CASK: variants seen among roughly 807,000 people sequenced by gnomAD.
The protein encoded by CASK is calcium/calmodulin dependent serine protein kinase.
CASK carries 4 observed loss-of-function variants against 82.9 expected under a neutral mutation model. That is an observed-to-expected ratio of 0.05 (90% CI 0.02 to 0.11). The LOEUF (loss-of-function observed/expected upper bound fraction) is 0.11, where lower values mean the gene tolerates loss of function less well. Ranked by LOEUF, CASK falls within the 10% of genes least tolerant of loss-of-function variation. The pLI is 1.00. For missense variants in CASK, 358 were observed against 720.9 expected, an observed-to-expected ratio of 0.50 and a Z score of 5.76; for synonymous variants, 259 against 253.5, an observed-to-expected ratio of 1.02 and a Z score of -0.20.
intron 1 of CASK, among the ~76,000 whole-genome samples, chrX:41,901,086 T>A (rs1173355719): frequency 8.9e-6 from 1 of 111,835 alleles, no homozygotes; most frequent in South Asian, 3.7e-4. Context: ...TCCATTTCTT[T>A]ATGACTGGTT....
chrX:41,741,847 A>G (rs983920936), intron 4 of CASK, among the ~76,000 whole-genome samples: 15 of 112,201 alleles, frequency 1.3e-4, no homozygotes, highest in African/African-American at 4.9e-4. Flanking sequence ...ACTTCACTTC[A>G]TGAAGCATCA....
chrX:41,731,939 ATTTTTTTT>A lies in CASK; in HGVS notation c.429+7437_429+7444del, dbSNP rs1309557386. ...GCCATCATGCCTGGCTAATTTTTGT[ATTTTTTTT>A]TTTTTTTTTGTAGAGATGTGCTCTT... is the stretch of plus-strand genomic sequence containing the variant. On this transcript the variant is annotated intron_variant, in intron 5 of 26. Transcript: ENST00000378163. Among the ~76,000 whole-genome samples, 5 of 84,149 alleles carry A rather than the reference ATTTTTTTT, an allele frequency of 5.9e-5. No homozygotes were observed. The Admixed American group carries it at 6.6e-4, about 11-fold the overall frequency. 73.1% of individuals were successfully genotyped at this position (84,149 alleles called of 115,157 possible). A position where few individuals can be genotyped will look rare whatever the true frequency, so the allele number is the denominator to read the frequency against.
chrX:41,800,679 A>G (rs1314783310), intron 2 of CASK, among the ~76,000 whole-genome samples: 7 of 104,969 alleles, frequency 6.7e-5, no homozygotes, highest in Admixed American at 2.1e-4. Context: ...CAGTCCCCAG[A>G]GTGTGATGTT....
intron 18 of CASK, 106 bp from the exon 19 acceptor site, chrX:41,557,206 T>C: frequency 1.4e-6 from 1 of 698,100 alleles, no homozygotes; most frequent in African/African-American, 2.1e-5. Flanking sequence ...TCCTTTGAGG[T>C]TTGAGCTGTA....
At chrX:41,903,048 G>A (rs2072411634) in intron 1 of CASK, among the ~76,000 whole-genome samples, 1 of 112,147 alleles carries the variant, frequency 8.9e-6, no homozygotes, top group South Asian at 3.7e-4. Context: ...CCCTGTTAGA[G>A]TCACCAACAC....
intron 9 of CASK, among the ~76,000 whole-genome samples, chrX:41,633,606 A>T (rs6651764): frequency 0.14 from 14,910 of 105,252 alleles, 880 homozygotes; most frequent in Middle Eastern, 0.17. Flanking sequence ...CTTTTTTTTT[A>T]TTTTTTTTTA....
At chrX:41,772,966 G>A (rs10126935) in intron 3 of CASK, among the ~76,000 whole-genome samples, 10 of 111,191 alleles carry the variant, frequency 9.0e-5, no homozygotes, top group South Asian at 3.8e-4. Context: ...GCGCCACTGC[G>A]CTCCAGCCTG....
At chrX:41,694,348 G>C (rs1021451610) in intron 5 of CASK, among the ~76,000 whole-genome samples, 6 of 111,887 alleles carry the variant, frequency 5.4e-5, no homozygotes, top group African/African-American at 2.0e-4. Context: ...CTAAGTGGCT[G>C]CTGTAGAGAA....
chrX:41,573,706 T>C (rs1434926219), intron 15 of CASK, among the ~76,000 whole-genome samples: 1 of 112,189 alleles, frequency 8.9e-6, no homozygotes, highest in Non-Finnish European at 1.9e-5. Context: ...TCTTTTTACA[T>C]GCCTAGTAAT....
At chrX:41,877,651 T>C (rs186167092) in intron 1 of CASK, among the ~76,000 whole-genome samples, 36 of 112,007 alleles carry the variant, frequency 3.2e-4, no homozygotes, top group South Asian at 7.4e-4. Flanking sequence ...AAAGCAGCTA[T>C]TGAATAAGGT....
chrX:41,869,863 G>A (rs1341479081), intron 1 of CASK, among the ~76,000 whole-genome samples: 1 of 90,331 alleles, frequency 1.1e-5, no homozygotes, highest in Non-Finnish European at 2.2e-5. Flanking sequence ...CAATGGATGG[G>A]TTTCAGAGGA....
intron 3 of CASK, among the ~76,000 whole-genome samples, chrX:41,765,493 T>C (rs1011229326): frequency 2.7e-5 from 3 of 111,835 alleles, no homozygotes; most frequent in Non-Finnish European, 3.8e-5. Context: ...AAGTCCATCA[T>C]TAGGGGAATG....
chrX:41,914,774 A>AT (rs1334168143), intron 1 of CASK, among the ~76,000 whole-genome samples: 1 of 112,099 alleles, frequency 8.9e-6, no homozygotes, highest in African/African-American at 3.2e-5. Flanking sequence ...AAACCAAATG[A>AT]TTTTACCTAA....
At chrX:41,618,967 C>T (rs956872463) in intron 11 of CASK, among the ~76,000 whole-genome samples, 10 of 108,046 alleles carry the variant, frequency 9.3e-5, no homozygotes, top group South Asian at 4.2e-4. Context: ...GCTGGGACTA[C>T]GGGCACCCGC....
chrX:41,890,215 T>A (rs897468126), intron 1 of CASK, among the ~76,000 whole-genome samples: 1 of 47,655 alleles, frequency 2.1e-5, no homozygotes, highest in Non-Finnish European at 3.7e-5. Flanking sequence ...TGAATGTGCA[T>A]GCGTGTGTGT....
intron 5 of CASK, among the ~76,000 whole-genome samples, chrX:41,699,397 C>G (rs967900346): frequency 4.5e-5 from 5 of 111,746 alleles, no homozygotes; most frequent in African/African-American, 1.6e-4. Flanking sequence ...TTTGCCCTGA[C>G]AATGTTAACA....
intron 1 of CASK, among the ~76,000 whole-genome samples, chrX:41,882,013 G>T (rs2071962276): frequency 9.0e-6 from 1 of 111,167 alleles, no homozygotes; most frequent in Non-Finnish European, 1.9e-5. Context: ...TCTTGGGATT[G>T]TTGTCAGGAT....
chrX:41,763,111 TA>T (rs752148748), intron 3 of CASK, among the ~76,000 whole-genome samples: 4 of 111,546 alleles, frequency 3.6e-5, no homozygotes, highest in African/African-American at 6.5e-5. Context: ...CATTCATGTT[TA>T]TTTTTTTTCT....
chrX:41,595,926 T>C (rs924432339), intron 12 of CASK, among the ~76,000 whole-genome samples: 8 of 111,832 alleles, frequency 7.2e-5, no homozygotes, highest in African/African-American at 2.3e-4. Flanking sequence ...TGAAAACTAT[T>C]AGCTACTCAA....
Sources: allele counts gnomAD v4.1 joint callset (sites outside exome capture counted in the v4.1 genomes callset), GRCh38; gene constraint gnomAD v4.1.1; transcripts MANE v1.5; gene names NCBI Gene and HGNC (gene_info 2026-07-23, HGNC 2026-07-21).